Variants in PRICKLE2 observed in about 807,000 individuals in gnomAD.
The protein encoded by PRICKLE2 is prickle-like protein 2.
PRICKLE2 carries 21 observed loss-of-function variants against 81.4 expected under a neutral mutation model. The ratio of observed to expected loss-of-function variants is 0.26; its 90% CI spans 0.18 to 0.37. PRICKLE2 has a LOEUF of 0.37. PRICKLE2 is among the 10% of genes least tolerant of loss of function. PRICKLE2 has a pLI of 1.00. For synonymous variants in PRICKLE2, 456 were observed against 421.5 expected, an observed-to-expected ratio of 1.08 and a Z score of -1.00; for missense variants, 940 against 1,109.0, an observed-to-expected ratio of 0.85 and a Z score of 2.16.
intron 2 of PRICKLE2, among the ~76,000 whole-genome samples, chr3:64,231,356 T>C (rs1246946724): frequency 6.6e-6 from 1 of 152,186 alleles, no homozygotes; most frequent in African/African-American, 2.4e-5. Flanking sequence ...TGACATGATG[T>C]GCTAGCAAAT....
chr3:64,144,643 C>G (rs968428988), intron 7 of PRICKLE2, among the ~76,000 whole-genome samples: 3 of 152,230 alleles, frequency 2.0e-5, no homozygotes, highest in African/African-American at 7.2e-5. Flanking sequence ...GGCAGATATA[C>G]TTAGCACATC....
intron 2 of PRICKLE2, among the ~76,000 whole-genome samples, chr3:64,231,346 T>C (rs560741620): frequency 4.4e-4 from 67 of 152,330 alleles, no homozygotes; most frequent in African/African-American, 1.4e-3. Flanking sequence ...ATTGTTAAAC[T>C]GACATGATGT....
intron 7 of PRICKLE2, among the ~76,000 whole-genome samples, chr3:64,108,640 C>A (rs1443619965): frequency 7.2e-5 from 11 of 152,278 alleles, no homozygotes; most frequent in African/African-American, 2.6e-4. Context: ...CAGGCCCTCA[C>A]CGGACTTGCA....
chr3:64,146,802 A>G, intron 7 of PRICKLE2, 28 bp downstream of exon 7: 2 of 1,612,922 alleles, frequency 1.2e-6, no homozygotes, highest in Non-Finnish European at 8.5e-7. Flanking sequence ...CCCCCTTTCT[A>G]TCTGTTTTCA....
intron 1 of PRICKLE2, among the ~76,000 whole-genome samples, chr3:64,217,717 G>A (rs1049321541): frequency 2.0e-5 from 3 of 152,130 alleles, no homozygotes; most frequent in African/African-American, 7.2e-5. Context: ...GAAGGACTCT[G>A]GGGATGCATT....
chr3:64,117,289 T>A (rs1364918963), intron 7 of PRICKLE2, among the ~76,000 whole-genome samples: 1 of 152,072 alleles, frequency 6.6e-6, no homozygotes, highest in Non-Finnish European at 1.5e-5. Context: ...AAAACCAGCA[T>A]AAGACAAGGA....
At chr3:64,254,931 C>T (rs1392465903) in intron 2 of PRICKLE2, among the ~76,000 whole-genome samples, 2 of 152,174 alleles carry the variant, frequency 1.3e-5, no homozygotes, top group South Asian at 2.1e-4. Context: ...AATGATGATG[C>T]CCCTACAGGA....
chr3:64,115,636 C>T (rs891946987), intron 7 of PRICKLE2, among the ~76,000 whole-genome samples: 1 of 152,142 alleles, frequency 6.6e-6, no homozygotes, highest in Non-Finnish European at 1.5e-5. Context: ...TGGAATTCAG[C>T]AAGAAAATCT....
At chr3:64,189,016 G>A in intron 2 of PRICKLE2, among the ~76,000 whole-genome samples, 1 of 152,168 alleles carries the variant, frequency 6.6e-6, no homozygotes, top group Non-Finnish European at 1.5e-5. Flanking sequence ...CTCCACAAAG[G>A]CAGAAGTACT....
intron 3 of PRICKLE2, among the ~76,000 whole-genome samples, chr3:64,162,268 A>G (rs2077747878): frequency 6.6e-6 from 1 of 152,192 alleles, no homozygotes; most frequent in African/African-American, 2.4e-5. Context: ...GTTCAGTTCC[A>G]TAGGATTACT....
intron 2 of PRICKLE2, among the ~76,000 whole-genome samples, chr3:64,248,803 C>A (rs189829532): frequency 1.3e-5 from 2 of 152,188 alleles, no homozygotes; most frequent in African/African-American, 4.8e-5. Flanking sequence ...TAACATACTA[C>A]CTGTGCTAAT....
intron 2 of PRICKLE2, among the ~76,000 whole-genome samples, chr3:64,261,701 T>C (rs1448936803): frequency 6.6e-6 from 1 of 151,926 alleles, no homozygotes; most frequent in Non-Finnish European, 1.5e-5. Flanking sequence ...GGCCCAGAGG[T>C]AGGCAGAAAC....
intron 2 of PRICKLE2, 37 bp from the exon 3 acceptor site, chr3:64,163,166 A>T: frequency 1.6e-6 from 2 of 1,253,206 alleles, no homozygotes; most frequent in Non-Finnish European, 2.3e-6. Flanking sequence ...CTTGCCCATT[A>T]CTCAAACCAT....
chr3:64,147,098 G>A lies in PRICKLE2; in HGVS notation c.1392C>T (p.Phe464=). ...SLAMTGHAGS[F]IKECREDYYP... is the part of the protein sequence containing the mutation. ...AATAGTCTTCTCGGCATTCCTTGAT[G>A]AAGCTGCCAGCATGTCCTGTCATGG... The change falls in exon 7 of 8, where the codon TTC becomes TTT. Residue 464 remains phenylalanine (F), a synonymous_variant. Coordinates refer to ENST00000638394, the MANE Select transcript of PRICKLE2 (RefSeq NM_198859.4). The surrounding 1 kb of genome is among the most constrained non-coding windows in gnomAD (Gnocchi z 5.0). 6.2e-7 allele frequency: 1 copy of A among 1,614,186 alleles called. No homozygotes were observed. The highest frequency in any genetic ancestry group is 8.5e-7 in the Non-Finnish European group (1 of 1,180,038).
At chr3:64,237,343 G>C (rs1037447226) in intron 2 of PRICKLE2, among the ~76,000 whole-genome samples, 7 of 152,104 alleles carry the variant, frequency 4.6e-5, no homozygotes, top group African/African-American at 1.4e-4. Context: ...AAATGTGGAG[G>C]ATTTTATTGC....
chr3:64,139,025 C>T (rs1285195836), intron 7 of PRICKLE2, among the ~76,000 whole-genome samples: 1 of 152,250 alleles, frequency 6.6e-6, no homozygotes, highest in Non-Finnish European at 1.5e-5. Context: ...ACATCTCAGA[C>T]ATTCTTGGTA....
At chr3:64,121,817 C>A (rs772650763) in intron 7 of PRICKLE2, among the ~76,000 whole-genome samples, 1 of 152,102 alleles carries the variant, frequency 6.6e-6, no homozygotes. Context: ...TTGCTATAAA[C>A]GGTGCTTTCC....
intron 2 of PRICKLE2, among the ~76,000 whole-genome samples, chr3:64,239,482 G>A (rs1016403138): frequency 6.6e-6 from 1 of 152,182 alleles, no homozygotes; most frequent in Admixed American, 6.5e-5. Flanking sequence ...GGGATCCTTT[G>A]GCAGAGCCAA....
intron 2 of PRICKLE2, among the ~76,000 whole-genome samples, chr3:64,233,416 C>T (rs114069278): frequency 0.01 from 1,539 of 152,316 alleles, 27 homozygotes; most frequent in African/African-American, 0.034. Context: ...ATTGCTTCTC[C>T]GACACTATCT....
Sources: gnomAD v4.1 joint callset for allele counts (sites outside exome capture counted in the v4.1 genomes callset) on GRCh38, gnomAD v4.1.1 for gene constraint, Gnocchi (gnomAD v3.1) non-coding constraint, MANE v1.5 for transcripts, NCBI Gene and HGNC (gene_info 2026-07-23, HGNC 2026-07-21) for gene names.